CCDC3: variants seen among roughly 807,000 people sequenced by gnomAD.
The protein encoded by CCDC3 is coiled-coil domain-containing protein 3.
In CCDC3, 24 loss-of-function variants were observed where a neutral mutation model predicts 21.4. That is an observed-to-expected ratio of 1.12 (90% CI 0.81 to 1.58). The LOEUF is 1.58. Ranked by LOEUF, CCDC3 falls within the 40% of genes most tolerant of loss-of-function variation. The pLI is 0.00. For missense variants in CCDC3, 425 were observed against 360.9 expected, an observed-to-expected ratio of 1.18 and a Z score of -1.44; for synonymous variants, 186 against 166.0, an observed-to-expected ratio of 1.12 and a Z score of -0.93.
At chr10:13,055,478 C>A in intron 4 of CCDC3, among the ~76,000 whole-genome samples, 1 of 151,018 alleles carries the variant, frequency 6.6e-6, no homozygotes, top group African/African-American at 2.4e-5. Context: ...TACAGGCATG[C>A]ACCACCATAC....
chr10:13,060,462 A>C (rs1485265618), intron 4 of CCDC3, among the ~76,000 whole-genome samples: 2 of 152,188 alleles, frequency 1.3e-5, no homozygotes, highest in Non-Finnish European at 2.9e-5. Flanking sequence ...GGATATCAGG[A>C]GTAACAAGAG....
chr10:13,049,259 TCAAA>T (rs1482782779), intron 5 of CCDC3, among the ~76,000 whole-genome samples: 2 of 152,144 alleles, frequency 1.3e-5, no homozygotes, highest in African/African-American at 4.8e-5. Flanking sequence ...AGCTCAAAAT[TCAAA>T]CAAATCAATC....
upstream of CCDC3, among the ~76,000 whole-genome samples, chr10:13,002,207 A>T (rs1047268677): frequency 2.6e-5 from 4 of 152,190 alleles, no homozygotes; most frequent in African/African-American, 7.2e-5. Context: ...TCCAAAAAGC[A>T]ATCATTTGGC....
intron 4 of CCDC3, among the ~76,000 whole-genome samples, chr10:13,055,637 G>A (rs1445420387): frequency 1.3e-5 from 2 of 152,020 alleles, no homozygotes; most frequent in East Asian, 3.9e-4. Flanking sequence ...AGAAACGTGT[G>A]TACAGGGAGG....
intron 5 of CCDC3, among the ~76,000 whole-genome samples, chr10:13,014,932 C>T (rs538887311): frequency 4.6e-4 from 70 of 152,160 alleles, no homozygotes; most frequent in African/African-American, 1.4e-3. Flanking sequence ...AACAAATCTT[C>T]GTTCATAAGA....
chr10:13,093,250 C>T (rs1479600094), intron 3 of CCDC3, among the ~76,000 whole-genome samples: 1 of 152,146 alleles, frequency 6.6e-6, no homozygotes, highest in Non-Finnish European at 1.5e-5. Context: ...GCACATCTTA[C>T]ATGGCGGCAG....
In CCDC3 at chr10:13,016,412, G is replaced by A. The variant is rs529055999; in HGVS notation, c.-1-17900C>T. ...GGGAATGGGCCCAGGAAACCTAAAC[G>A]GAGACAAGCAACTCAAAAATAAAAG... is the stretch of plus-strand genomic sequence containing the variant. On this transcript the variant is annotated intron_variant, in intron 5 of 6. Coordinates refer to the CCDC3 transcript ENST00000378839. Among the ~76,000 whole-genome samples, 12 of 150,878 alleles carry A rather than the reference G, an allele frequency of 8.0e-5. 1 individual carries two copies. Among genetic ancestry groups the A allele is most frequent in the South Asian group, 2.1e-4 (1 of 4,764 alleles).
chr10:13,076,453 G>A (rs1588416773), intron 3 of CCDC3, among the ~76,000 whole-genome samples: 1 of 152,348 alleles, frequency 6.6e-6, no homozygotes, highest in Middle Eastern at 3.4e-3. Flanking sequence ...AGACGTAGGA[G>A]TGTCCTGTGT....
At chr10:13,071,683 G>C (rs1274025285) in intron 4 of CCDC3, among the ~76,000 whole-genome samples, 2 of 152,154 alleles carry the variant, frequency 1.3e-5, no homozygotes, top group Admixed American at 1.3e-4. Context: ...AGGAAAGAAA[G>C]AGGAACGCCT....
chr10:13,064,222 C>G (rs1836797024), intron 4 of CCDC3, among the ~76,000 whole-genome samples: 1 of 152,226 alleles, frequency 6.6e-6, no homozygotes, highest in African/African-American at 2.4e-5. Context: ...CTGTGCCCGG[C>G]CAGCATGGGT....
intron 3 of CCDC3, among the ~76,000 whole-genome samples, chr10:13,079,276 T>TGTG (rs56152771): frequency 0.98 from 148,797 of 152,168 alleles, 72,839 homozygotes; most frequent in East Asian, 1. Context: ...AGGCACGCGT[T>TGTG]GTGGCCTTAG....
chr10:13,054,172 A>AG (rs1836651031), intron 4 of CCDC3, among the ~76,000 whole-genome samples: 1 of 151,024 alleles, frequency 6.6e-6, no homozygotes, highest in African/African-American at 2.4e-5. Context: ...AAAAAAAAAA[A>AG]AGAGGAAACT....
intron 2 of CCDC3, among the ~76,000 whole-genome samples, chr10:12,985,939 G>T (rs1488838884): frequency 6.6e-6 from 1 of 152,164 alleles, no homozygotes; most frequent in Non-Finnish European, 1.5e-5. Flanking sequence ...GCAGTGGCGC[G>T]ATCTCGGCTC....
chr10:13,080,755 G>A (rs1014988300), intron 3 of CCDC3, among the ~76,000 whole-genome samples: 1 of 152,256 alleles, frequency 6.6e-6, no homozygotes, highest in African/African-American at 2.4e-5. Context: ...CAAGCCAGCA[G>A]GGGGACCTAG....
intron 5 of CCDC3, among the ~76,000 whole-genome samples, chr10:13,043,518 A>C (rs967125594): frequency 8.5e-5 from 13 of 152,246 alleles, no homozygotes; most frequent in African/African-American, 2.9e-4. Context: ...GCCTGAACCC[A>C]GGAGGTGGAG....
intron 5 of CCDC3, among the ~76,000 whole-genome samples, chr10:13,039,201 A>C (rs1467619036): frequency 2.0e-5 from 3 of 152,170 alleles, no homozygotes; most frequent in Non-Finnish European, 4.4e-5. Flanking sequence ...AGATCTCCTG[A>C]AGTCAGGGGT....
intron 5 of CCDC3, among the ~76,000 whole-genome samples, chr10:13,014,303 A>T (rs1284921341): frequency 2.0e-5 from 3 of 151,436 alleles, no homozygotes; most frequent in Admixed American, 6.6e-5. Context: ...ACAAAAAATT[A>T]GCCAGGCGTG....
chr10:13,067,469 T>C (rs1218274567), intron 4 of CCDC3, among the ~76,000 whole-genome samples: 1 of 152,138 alleles, frequency 6.6e-6, no homozygotes, highest in Non-Finnish European at 1.5e-5. Context: ...AAAGTTTTAA[T>C]TATGAAAAAG....
chr10:13,077,202 C>G (rs1312613757), intron 3 of CCDC3, among the ~76,000 whole-genome samples: 1 of 152,134 alleles, frequency 6.6e-6, no homozygotes. Context: ...ACAAGCATTC[C>G]TAAACACCAA....
Sources: allele counts gnomAD v4.1 joint callset (sites outside exome capture counted in the v4.1 genomes callset), GRCh38; gene constraint gnomAD v4.1.1; transcripts MANE v1.5; gene names NCBI Gene and HGNC (gene_info 2026-07-23, HGNC 2026-07-21).